Variants in GLI3 observed in about 807,000 individuals in gnomAD.
GLI3 encodes transcription activator GLI3.
In GLI3, 20 loss-of-function variants were observed where a neutral mutation model predicts 100.8. The ratio of observed to expected loss-of-function variants is 0.20; its 90% confidence interval spans 0.14 to 0.29. GLI3 has a LOEUF of 0.29. Ranked by LOEUF, GLI3 falls within the 10% of genes least tolerant of loss-of-function variation. GLI3 has a pLI of 1.00. For missense variants in GLI3, 2,040 were observed against 2,128.5 expected (o/e 0.96, Z 0.82); for synonymous variants, 938 against 860.5 (o/e 1.09, Z -1.58).
At chr7:42,099,645 G>C (rs1785416362) in intron 3 of GLI3, among the ~76,000 whole-genome samples, 2 of 152,130 alleles carry the variant, frequency 1.3e-5, no homozygotes, top group South Asian at 4.2e-4. Context: ...CCGAACTCAA[G>C]TGATTCTCCT....
At chr7:42,188,583 T>A (rs1182222633) in intron 2 of GLI3, among the ~76,000 whole-genome samples, 2 of 152,148 alleles carry the variant, frequency 1.3e-5, no homozygotes, top group East Asian at 3.9e-4. Flanking sequence ...TATTCATAAT[T>A]GCCAAAACTT....
intron 2 of GLI3, among the ~76,000 whole-genome samples, chr7:42,193,219 A>T (rs2128689164): frequency 6.6e-6 from 1 of 152,350 alleles, no homozygotes; most frequent in African/African-American, 2.4e-5. Context: ...AATGAAGCTG[A>T]GCAAAGGAAA....
chr7:41,966,530 T>A lies in GLI3; in HGVS notation c.2543A>T (p.Asp848Val). ...CGAGCTGATGGTGCTGGCGCTGCTGTCCCTTCTGTTGAGCATGTTCAGCAT... is the reference window on the plus strand; with the variant it reads ...CGAGCTGATGGTGCTGGCGCTGCTGACCCTTCTGTTGAGCATGTTCAGCAT... ...VTMLNMLNRR[D>V]SSASTISSAY... The change falls in exon 15 of 15, where the codon GAC becomes GTC. Residue 848 changes from aspartate (D) to valine (V), a missense_variant. Asp to Val is a radical substitution (Grantham distance 152, BLOSUM62 -3). Around this residue, in one of 5 missense-constraint regions of GLI3, gnomAD observed 327 missense variants for 338.7 expected, o/e 0.97. Transcript: ENST00000395925. This position sits in a 1 kb window ranked among gnomAD's most constrained non-coding sequence, Gnocchi z 5.8. The A allele has an allele frequency of 6.2e-7, 1 of 1,613,840 alleles. No homozygotes were observed. The highest frequency in any genetic ancestry group is 8.5e-7 in the Non-Finnish European group (1 of 1,179,988).
intron 2 of GLI3, among the ~76,000 whole-genome samples, chr7:42,194,035 C>T (rs1787878570): frequency 1.3e-5 from 2 of 152,120 alleles, no homozygotes; most frequent in African/African-American, 2.4e-5. Context: ...TGGACTTTCG[C>T]TTTTACTTTT....
At chr7:42,135,927 T>C (rs1165959397) in intron 3 of GLI3, among the ~76,000 whole-genome samples, 1 of 152,226 alleles carries the variant, frequency 6.6e-6, no homozygotes, top group East Asian at 1.9e-4. Context: ...GCATTAAGTA[T>C]ATTTATAAAC....
chr7:42,070,071 A>G (rs1205292490), intron 4 of GLI3, among the ~76,000 whole-genome samples: 1 of 152,232 alleles, frequency 6.6e-6, no homozygotes, highest in Non-Finnish European at 1.5e-5. Context: ...ACTAATTATT[A>G]TCTACCCATG....
chr7:42,017,821 G>A (rs1406772439), intron 10 of GLI3, among the ~76,000 whole-genome samples: 3 of 152,118 alleles, frequency 2.0e-5, no homozygotes, highest in Admixed American at 6.6e-5. Context: ...TCAACCCAGC[G>A]AAACACACAC....
chr7:42,232,250 C>G (rs1424746702), intron 1 of GLI3, among the ~76,000 whole-genome samples: 2 of 152,142 alleles, frequency 1.3e-5, no homozygotes, highest in African/African-American at 2.4e-5. Flanking sequence ...CAGTATGATG[C>G]CAACACGGCC....
intron 4 of GLI3, among the ~76,000 whole-genome samples, chr7:42,069,963 A>C (rs908012943): frequency 2.0e-5 from 3 of 152,228 alleles, no homozygotes; most frequent in African/African-American, 7.2e-5. Context: ...GTGTGAAGGG[A>C]GGGAGCAAGC....
In GLI3 at chr7:42,026,412, G is replaced by A. The variant is rs1342145008; in HGVS notation, c.1029C>T (p.Ser343=). Residue 343 remains serine (S), a splice_region_variant and synonymous_variant, in exon 8 of 15, where the codon AGC becomes AGT. Coordinates refer to ENST00000395925, the MANE Select transcript of GLI3 (RefSeq NM_000168.6). ...SYGHLSASAI[S]PALSFTYSSA... ...AAGAGTAGGTGAAGCTCAAGGCAGGGCTGCACGGGGGAGATAAAAAAAGAC... is the reference window on the plus strand; with the variant it reads ...AAGAGTAGGTGAAGCTCAAGGCAGGACTGCACGGGGGAGATAAAAAAAGAC... 6.2e-7 allele frequency: 1 copy of A among 1,613,050 alleles called. No individual in the cohort carries two copies. Among genetic ancestry groups the A allele is most frequent in the African/African-American group, 1.3e-5 (1 of 75,000 alleles).
At position 41,961,776 on chromosome 7, in the gene GLI3, C is replaced by T. The variant is rs1159999787; in HGVS notation, c.*2554G>A. 4.6e-5 allele frequency: 7 copies of T among 152,082 alleles called. No individual in the cohort carries two copies. The highest frequency in any genetic ancestry group is 1.7e-4 in the African/African-American group (7 of 41,384). 9.4% of individuals were successfully genotyped at this position (152,082 alleles called of 1,614,324 possible). On this transcript the variant is annotated 3_prime_UTR_variant, in exon 15 of 15. Transcript: ENST00000395925. ...CCCAAAAGGATGTCCCAAAAAGATG[C>T]TTCTAAGTGACCTCAAAAGACCTTC...
intron 10 of GLI3, among the ~76,000 whole-genome samples, chr7:42,003,074 A>C (rs1469487505): frequency 6.6e-6 from 1 of 152,232 alleles, no homozygotes; most frequent in Non-Finnish European, 1.5e-5. Flanking sequence ...GTATCTCCAG[A>C]ATCCAGAACA....
chr7:42,118,934 G>A (rs1477767113), intron 3 of GLI3, among the ~76,000 whole-genome samples: 1 of 152,156 alleles, frequency 6.6e-6, no homozygotes, highest in East Asian at 1.9e-4. Context: ...AACTATGAAG[G>A]GAAGAACACC....
At chr7:42,236,742 C>T (rs1788807243) in intron 1 of GLI3, among the ~76,000 whole-genome samples, 1 of 152,228 alleles carries the variant, frequency 6.6e-6, no homozygotes, top group South Asian at 2.1e-4. Flanking sequence ...CGTCTCCGGC[C>T]GGTCCGCGGG....
At chr7:42,262,535 C>T (rs1421461648) in intron 1 of GLI3, among the ~76,000 whole-genome samples, 4 of 152,194 alleles carry the variant, frequency 2.6e-5, no homozygotes, top group Non-Finnish European at 5.9e-5. Flanking sequence ...ACTGGGATTA[C>T]AGGCCTGAGT....
At chr7:42,081,144 C>T (rs747784929) in intron 3 of GLI3, among the ~76,000 whole-genome samples, 2 of 152,134 alleles carry the variant, frequency 1.3e-5, no homozygotes, top group Non-Finnish European at 2.9e-5. Context: ...CTGCTAAGTG[C>T]TGTGTACTCT....
At chr7:41,992,596 T>C (rs891027608) in intron 10 of GLI3, among the ~76,000 whole-genome samples, 1 of 151,850 alleles carries the variant, frequency 6.6e-6, no homozygotes, top group Non-Finnish European at 1.5e-5. Context: ...CCCTGACCAA[T>C]GGAGACTGTA....
At chr7:42,103,341 G>C (rs1406873938) in intron 3 of GLI3, among the ~76,000 whole-genome samples, 1 of 152,142 alleles carries the variant, frequency 6.6e-6, no homozygotes, top group African/African-American at 2.4e-5. Context: ...CACCTCCTGA[G>C]GGCAGGAGTA....
intron 7 of GLI3, among the ~76,000 whole-genome samples, chr7:42,039,820 G>T (rs1167461268): frequency 6.6e-6 from 1 of 152,150 alleles, no homozygotes; most frequent in Non-Finnish European, 1.5e-5. Context: ...CTATATAGGG[G>T]CTATTGACTA....
Sources: allele counts gnomAD v4.1 joint callset (sites outside exome capture counted in the v4.1 genomes callset), GRCh38; gene constraint gnomAD v4.1.1; regional missense constraint gnomAD v4.1.1; non-coding constraint Gnocchi (gnomAD v3.1); transcripts MANE v1.5; gene names NCBI Gene and HGNC (gene_info 2026-07-23, HGNC 2026-07-21).